Variants in ATF6 observed in about 807,000 individuals in gnomAD.
The protein encoded by ATF6 is cyclic AMP-dependent transcription factor ATF-6 alpha.
ATF6 carries 53 observed loss-of-function variants against 83.6 expected under a neutral mutation model. That is an observed-to-expected ratio of 0.63 (90% CI 0.51 to 0.80). The LOEUF (loss-of-function observed/expected upper bound fraction) is 0.80, where lower values mean the gene tolerates loss of function less well. ATF6 is among the 30% of genes least tolerant of loss of function. ATF6 has a pLI of 0.00. For synonymous variants in ATF6, 288 were observed against 285.8 expected (o/e 1.01, Z -0.08); for missense variants, 744 against 797.9 (o/e 0.93, Z 0.81).
chr1:161,937,995 G>C (rs1164948128), intron 15 of ATF6, among the ~76,000 whole-genome samples: 3 of 152,012 alleles, frequency 2.0e-5, no homozygotes, highest in African/African-American at 7.3e-5. Flanking sequence ...AACTCTACAT[G>C]GTTCTGCCTC....
intron 3 of ATF6, 103 bp from the exon 4 acceptor site, chr1:161,783,887 A>C: frequency 3.7e-6 from 3 of 801,520 alleles, no homozygotes; most frequent in Non-Finnish European, 2.0e-6. Context: ...CTTAGCTTCC[A>C]TATCTGATTG....
At chr1:161,909,264 A>T (rs1163898265) in intron 14 of ATF6, among the ~76,000 whole-genome samples, 1 of 152,188 alleles carries the variant, frequency 6.6e-6, no homozygotes, top group East Asian at 1.9e-4. Flanking sequence ...CGGCTACTCC[A>T]GCTCTGGCAG....
At chr1:161,911,706 T>TA (rs1225902685) in intron 14 of ATF6, among the ~76,000 whole-genome samples, 3 of 152,268 alleles carry the variant, frequency 2.0e-5, no homozygotes, top group Non-Finnish European at 2.9e-5. Context: ...GGCAAGGCTC[T>TA]AGGCCTTGGC....
chr1:161,866,248 T>A (rs1210113467), intron 14 of ATF6, among the ~76,000 whole-genome samples: 4 of 152,242 alleles, frequency 2.6e-5, no homozygotes, highest in Admixed American at 2.0e-4. Context: ...TATTTTAATA[T>A]CTAAAGATGT....
intron 15 of ATF6, 90 bp downstream of exon 15, chr1:161,912,470 A>G: frequency 1.3e-6 from 1 of 750,368 alleles, no homozygotes; most frequent in Non-Finnish European, 2.1e-6. Context: ...TAAAATGTTC[A>G]GTTAAATGAG....
At chr1:161,860,142 G>C in intron 12 of ATF6, 65 bp from the exon 13 acceptor site, 1 of 1,111,786 alleles carries the variant, frequency 9.0e-7, no homozygotes, top group Non-Finnish European at 1.3e-6. Context: ...GAATGAACCA[G>C]TATAGGAAGA....
At position 161,947,750 on chromosome 1, in the gene ATF6, A is replaced by G. The variant is rs79023492; in HGVS notation, c.1805-10696A>G. Among the ~76,000 whole-genome samples the G allele has an allele frequency of 8.5e-3, 1,262 of 149,330 alleles. 19 individuals are homozygous for G. Among genetic ancestry groups the G allele is most frequent in the African/African-American group, 0.03 (1,204 of 40,336 alleles). Reference sequence around the variant, plus strand: ...ACAATTATTTAGTGTGCAAGATAGTATATTCCAAATTATTTCATATTATAG... The same window carrying G: ...ACAATTATTTAGTGTGCAAGATAGTGTATTCCAAATTATTTCATATTATAG... On this transcript the variant is annotated intron_variant, in intron 15 of 15. Coordinates refer to ENST00000367942, the MANE Select transcript of ATF6 (RefSeq NM_007348.4).
At chr1:161,887,572 T>G (rs1241436555) in intron 14 of ATF6, among the ~76,000 whole-genome samples, 1 of 152,190 alleles carries the variant, frequency 6.6e-6, no homozygotes, top group Non-Finnish European at 1.5e-5. Context: ...CTCCTAACTT[T>G]TATAGACAGA....
At chr1:161,864,640 T>C (rs1434667252) in intron 14 of ATF6, among the ~76,000 whole-genome samples, 1 of 152,188 alleles carries the variant, frequency 6.6e-6, no homozygotes, top group Non-Finnish European at 1.5e-5. Flanking sequence ...GCTAAGAGAT[T>C]TGGAACACTT....
In ATF6 at chr1:161,958,693, T is replaced by C. The variant is rs1262434236; in HGVS notation, c.*39T>C. Reference sequence around the variant, plus strand: ...TGCTGGAAAACTGAGCGTGGGACCCTGCCAGACTGAAGAGCAGGTGAGCAA... The same window carrying C: ...TGCTGGAAAACTGAGCGTGGGACCCCGCCAGACTGAAGAGCAGGTGAGCAA... On this transcript the variant is annotated 3_prime_UTR_variant, in exon 16 of 16. Coordinates refer to ENST00000367942, the MANE Select transcript of ATF6 (RefSeq NM_007348.4). The C allele has an allele frequency of 6.5e-7, 1 of 1,535,766 alleles. No homozygotes were observed. Among genetic ancestry groups the C allele is most frequent in the African/African-American group, 1.4e-5 (1 of 73,294 alleles).
At chr1:161,783,877 C>T in intron 3 of ATF6, 113 bp from the exon 4 acceptor site, 7 of 716,224 alleles carry the variant, frequency 9.8e-6, no homozygotes, top group Middle Eastern at 2.9e-4. Context: ...TTTTGGTGAC[C>T]TTAGCTTCCA....
At chr1:161,945,600 A>G (rs1488086871) in intron 15 of ATF6, among the ~76,000 whole-genome samples, 1 of 152,196 alleles carries the variant, frequency 6.6e-6, no homozygotes, top group Non-Finnish European at 1.5e-5. Flanking sequence ...ATCTTTTTCA[A>G]CAAAACTACA....
chr1:161,813,459 G>A (rs952408218), intron 7 of ATF6, among the ~76,000 whole-genome samples: 1 of 152,184 alleles, frequency 6.6e-6, no homozygotes, highest in Admixed American at 6.5e-5. Flanking sequence ...GACTAATGAA[G>A]TGGCTTTAAA....
chr1:161,951,213 G>A (rs1688856724), intron 15 of ATF6, among the ~76,000 whole-genome samples: 1 of 152,206 alleles, frequency 6.6e-6, no homozygotes, highest in Non-Finnish European at 1.5e-5. Context: ...ATTGTTGATG[G>A]TTATGAATTC....
intron 7 of ATF6, among the ~76,000 whole-genome samples, chr1:161,809,862 T>A (rs1444525429): frequency 1.3e-5 from 2 of 152,268 alleles, no homozygotes; most frequent in Non-Finnish European, 2.9e-5. Context: ...TCTGTTCATA[T>A]CTTTCGCCCA....
chr1:161,881,192 T>C (rs1342288508), intron 14 of ATF6, among the ~76,000 whole-genome samples: 2 of 152,128 alleles, frequency 1.3e-5, no homozygotes, highest in Non-Finnish European at 2.9e-5. Context: ...TCACAGTTAC[T>C]ATGGGTCAGG....
At chr1:161,822,957 T>C (rs1309494707) in intron 9 of ATF6, among the ~76,000 whole-genome samples, 2 of 152,214 alleles carry the variant, frequency 1.3e-5, no homozygotes, top group East Asian at 1.9e-4. Flanking sequence ...GAAACAATTA[T>C]ATACAAATTG....
At chr1:161,766,567 G>A in intron 1 of ATF6, 125 bp downstream of exon 1, 1 of 739,946 alleles carries the variant, frequency 1.4e-6, no homozygotes, top group Non-Finnish European at 2.2e-6. Context: ...GAGGCCCCTC[G>A]TCACTCCTGT....
At chr1:161,786,607 C>T (rs1484842051) in intron 4 of ATF6, among the ~76,000 whole-genome samples, 1 of 151,884 alleles carries the variant, frequency 6.6e-6, no homozygotes, top group African/African-American at 2.4e-5. Context: ...TTGGAACAAT[C>T]TCAAATTCAC....
Sources: allele counts gnomAD v4.1 joint callset (sites outside exome capture counted in the v4.1 genomes callset), GRCh38; gene constraint gnomAD v4.1.1; transcripts MANE v1.5; gene names NCBI Gene and HGNC (gene_info 2026-07-23, HGNC 2026-07-21).